The following SGCD variants were observed in gnomAD, a reference collection of about 807,000 sequenced individuals.
SGCD encodes sarcoglycan delta, also known as delta-sarcoglycan.
SGCD carries 18 observed loss-of-function variants against 36.6 expected under a neutral mutation model. The observed-to-expected ratio is 0.49, with a 90% CI of 0.34 to 0.73. The LOEUF (loss-of-function observed/expected upper bound fraction) is 0.73. SGCD is among the 30% of genes least tolerant of loss of function. The probability of loss-of-function intolerance (pLI) is 0.01; values close to 1 mark genes in which losing one functional copy is unlikely to be tolerated. For missense variants in SGCD, 387 were observed against 346.7 expected, an observed-to-expected ratio of 1.12 and a Z score of -0.92; for synonymous variants, 133 against 130.6, an observed-to-expected ratio of 1.02 and a Z score of -0.12.
intron 3 of SGCD, among the ~76,000 whole-genome samples, chr5:156,233,039 TA>T (rs1206907022): frequency 2.6e-5 from 4 of 152,208 alleles, no homozygotes; most frequent in African/African-American, 9.7e-5. Flanking sequence ...TTTCCCTTTT[TA>T]AAGGATAATA....
intron 3 of SGCD, among the ~76,000 whole-genome samples, chr5:156,286,966 T>G (rs577927293): frequency 6.6e-6 from 1 of 152,224 alleles, no homozygotes; most frequent in East Asian, 1.9e-4. Context: ...TATTGATCAC[T>G]CTGTGTTAAT....
chr5:156,163,926 G>A (rs1383364987), intron 3 of SGCD, among the ~76,000 whole-genome samples: 1 of 150,608 alleles, frequency 6.6e-6, no homozygotes, highest in Admixed American at 6.6e-5. Flanking sequence ...GGGAGGCTGA[G>A]GCAGGAGAAT....
chr5:155,762,237 A>G, the SGCD span, among the ~76,000 whole-genome samples: 3 of 152,168 alleles, frequency 2.0e-5, no homozygotes, highest in African/African-American at 7.2e-5. Flanking sequence ...GATGTGAATG[A>G]ATGCTGGCCA....
At chr5:155,870,099 C>T (rs1403884779), upstream of SGCD, among the ~76,000 whole-genome samples, 1 of 152,158 alleles carries the variant, frequency 6.6e-6, no homozygotes, top group African/African-American at 2.4e-5. Context: ...TAACACAAAG[C>T]TGAGCATGAA....
chr5:156,475,547 C>G (rs1459916245), intron 3 of SGCD, among the ~76,000 whole-genome samples: 2 of 152,212 alleles, frequency 1.3e-5, no homozygotes, highest in Non-Finnish European at 2.9e-5. Context: ...TAGCCCCTGT[C>G]TCCAAGAGAA....
intron 1 of SGCD, among the ~76,000 whole-genome samples, chr5:155,913,424 A>G (rs1401062476): frequency 1.3e-5 from 2 of 152,108 alleles, no homozygotes; most frequent in East Asian, 1.9e-4. Flanking sequence ...CCAGGTTCCT[A>G]TTATTCCAAG....
At chr5:156,038,931 C>T (rs1210649892) in intron 1 of SGCD, among the ~76,000 whole-genome samples, 1 of 152,056 alleles carries the variant, frequency 6.6e-6, no homozygotes, top group Non-Finnish European at 1.5e-5. Flanking sequence ...CCTACAAAAC[C>T]CTGCTCAGTT....
intron 3 of SGCD, among the ~76,000 whole-genome samples, chr5:156,221,974 A>T (rs1429801617): frequency 4.6e-5 from 7 of 152,044 alleles, no homozygotes; most frequent in Admixed American, 4.6e-4. Context: ...TAGCCTAGAG[A>T]ATAGAAGACT....
At chr5:156,220,827 T>A (rs1764699766) in intron 3 of SGCD, among the ~76,000 whole-genome samples, 1 of 152,150 alleles carries the variant, frequency 6.6e-6, no homozygotes, top group South Asian at 2.1e-4. Context: ...TTTATAGCTT[T>A]ATTTCTTCCT....
intron 4 of SGCD, among the ~76,000 whole-genome samples, chr5:156,579,324 A>C (rs2113326857): frequency 6.6e-6 from 1 of 152,288 alleles, no homozygotes; most frequent in African/African-American, 2.4e-5. Context: ...GGAATGCTTT[A>C]TTTCCAATTA....
intron 3 of SGCD, among the ~76,000 whole-genome samples, chr5:156,278,271 G>C (rs1432466561): frequency 6.6e-6 from 1 of 152,124 alleles, no homozygotes; most frequent in African/African-American, 2.4e-5. Flanking sequence ...AGAGCCTTGG[G>C]CATGTTCTAA....
chr5:156,731,359 TCAGAGTTTTGGGTTTC>T, intron 7 of SGCD, among the ~76,000 whole-genome samples: 1 of 152,334 alleles, frequency 6.6e-6, no homozygotes, highest in East Asian at 1.9e-4. Flanking sequence ...TCCAGGGTTT[TCAGAGTTTTGGGTTTC>T]ACATTTAAGT....
At chr5:156,003,638 AT>A (rs1268402288) in intron 1 of SGCD, among the ~76,000 whole-genome samples, 2 of 152,228 alleles carry the variant, frequency 1.3e-5, no homozygotes, top group Non-Finnish European at 2.9e-5. Flanking sequence ...ACCAGTCCTC[AT>A]TCCAAGTCTG....
At chr5:155,836,474 CCG>C in the SGCD span, among the ~76,000 whole-genome samples, 89 of 116,326 alleles carry the variant, frequency 7.7e-4, no homozygotes, top group East Asian at 5.1e-4. Flanking sequence ...ATACCCACCC[CCG>C]CCCCGCACTC....
At chr5:155,944,933 G>A (rs1471788974) in intron 1 of SGCD, among the ~76,000 whole-genome samples, 1 of 151,960 alleles carries the variant, frequency 6.6e-6, no homozygotes, top group Admixed American at 6.6e-5. Context: ...ATAATAATAA[G>A]GGAGTGTAAA....
intron 3 of SGCD, among the ~76,000 whole-genome samples, chr5:156,194,674 G>A (rs1335234453): frequency 6.6e-6 from 1 of 151,840 alleles, no homozygotes; most frequent in African/African-American, 2.4e-5. Context: ...TAATTGACAA[G>A]TAATATAATA....
chr5:156,309,717 A>G (rs1287799296), intron 3 of SGCD, among the ~76,000 whole-genome samples: 3 of 150,188 alleles, frequency 2.0e-5, no homozygotes, highest in Non-Finnish European at 4.4e-5. Context: ...TGAACTCCTG[A>G]CCTCATGATC....
At chr5:156,594,299 A>C (rs1760838247) in intron 5 of SGCD, among the ~76,000 whole-genome samples, 1 of 152,208 alleles carries the variant, frequency 6.6e-6, no homozygotes. Flanking sequence ...ATTCAAGAAC[A>C]GCATCTGTTG....
intron 3 of SGCD, among the ~76,000 whole-genome samples, chr5:156,503,476 G>A (rs1027535033): frequency 6.6e-6 from 1 of 152,148 alleles, no homozygotes; most frequent in African/African-American, 2.4e-5. Context: ...ATCACTGACT[G>A]CAGTTACCCA....
Sources: allele counts gnomAD v4.1 joint callset (sites outside exome capture counted in the v4.1 genomes callset), GRCh38; gene constraint gnomAD v4.1.1; transcripts MANE v1.5; gene names NCBI Gene and HGNC (gene_info 2026-07-23, HGNC 2026-07-21).